YPEL2: variants seen among roughly 807,000 people sequenced by gnomAD.
YPEL2 encodes the protein protein yippee-like 2.
Under a neutral mutation model 19.1 loss-of-function variants are expected in YPEL2, and 2 were observed. The ratio of observed to expected loss-of-function variants is 0.10; its 90% CI spans 0.04 to 0.33. YPEL2 has a LOEUF of 0.33. Ranked by LOEUF, YPEL2 falls within the 10% of genes least tolerant of loss-of-function variation. The pLI is 1.00. For missense variants in YPEL2, 66 were observed against 140.7 expected (o/e 0.47, Z 2.68); for synonymous variants, 52 against 50.0 (o/e 1.04, Z -0.17).
intron 1 of YPEL2, among the ~76,000 whole-genome samples, chr17:59,338,042 A>G (rs1415568155): frequency 6.6e-6 from 1 of 152,228 alleles, no homozygotes; most frequent in Non-Finnish European, 1.5e-5. Context: ...GAGGTGCAGC[A>G]GTGCCACCTG....
Position 59,400,010 on chromosome 17 carries a change from A to G in YPEL2, c.*2820A>G, listed in dbSNP as rs1567768750. ...CTTCGTTTGGAACTGAAGTCCAGCC[A>G]GCAGACTCTCTAGCTCCATCTCCCC... On this transcript the variant is annotated 3_prime_UTR_variant, in exon 5 of 5. Coordinates refer to ENST00000312655, the MANE Select transcript of YPEL2 (RefSeq NM_001005404.4). The G allele has an allele frequency of 6.5e-6, 1 of 152,816 alleles. No individual in the cohort carries two copies. Among genetic ancestry groups the G allele is most frequent in the Non-Finnish European group, 1.5e-5 (1 of 68,204 alleles). 9.5% of individuals were successfully genotyped at this position (152,816 alleles called of 1,614,324 possible).
At chr17:59,381,960 G>A (rs1598048547) in intron 2 of YPEL2, among the ~76,000 whole-genome samples, 1 of 152,088 alleles carries the variant, frequency 6.6e-6, no homozygotes, top group Admixed American at 6.6e-5. Flanking sequence ...TCTCCAGGCC[G>A]TGCCAGGTTG....
chr17:59,394,641 A>G (rs2048028687), intron 4 of YPEL2, among the ~76,000 whole-genome samples: 1 of 150,560 alleles, frequency 6.6e-6, no homozygotes, highest in South Asian at 2.1e-4. Context: ...CACATCCCAG[A>G]CGATGGGCGG....
chr17:59,370,229 AT>A (rs1255198080), intron 2 of YPEL2, among the ~76,000 whole-genome samples: 14 of 150,714 alleles, frequency 9.3e-5, no homozygotes, highest in Middle Eastern at 3.4e-3. Context: ...TGCCCGGCTA[AT>A]TTTTTGTATT....
At chr17:59,381,832 A>G (rs928569011) in intron 2 of YPEL2, among the ~76,000 whole-genome samples, 2 of 152,230 alleles carry the variant, frequency 1.3e-5, no homozygotes, top group Non-Finnish European at 2.9e-5. Flanking sequence ...GGCAGTAATG[A>G]CAGCAAACAA....
intron 4 of YPEL2, among the ~76,000 whole-genome samples, chr17:59,394,219 G>T (rs889567288): frequency 3.9e-5 from 6 of 151,986 alleles, no homozygotes; most frequent in African/African-American, 1.4e-4. Context: ...CCCAGACAGG[G>T]TGGCTGCCGG....
intron 2 of YPEL2, among the ~76,000 whole-genome samples, chr17:59,376,150 A>G (rs11079377): frequency 0.65 from 98,901 of 151,662 alleles, 33,861 homozygotes; most frequent in African/African-American, 0.87. Flanking sequence ...TCATGACCCC[A>G]TCTTCATTCT....
rs1216392216 is a variant in YPEL2, at chr17:59,401,143, T to TTA, written c.*3953_*3954insTA. 8 of 152,044 alleles carry TTA rather than the reference T, an allele frequency of 5.3e-5. No individual in the cohort carries two copies. In the East Asian group the frequency reaches 1.5e-3, roughly 29 times the overall value. 9.4% of individuals were successfully genotyped at this position (152,044 alleles called of 1,614,324 possible). A position where few individuals can be genotyped will look rare whatever the true frequency, so the allele number is the denominator to read the frequency against. ...AAGAACATTAATATTATAATACACA[T>TTA]ATCTTAGTGGTAAACAGCTTTTTTT... is the stretch of plus-strand genomic sequence containing the variant. On this transcript the variant is annotated 3_prime_UTR_variant, in exon 5 of 5. Coordinates refer to ENST00000312655, the MANE Select transcript of YPEL2 (RefSeq NM_001005404.4).
rs1183436528 is a variant in YPEL2, at chr17:59,394,771, C to G, written c.271-2330C>G. 2.1e-3 allele frequency among the ~76,000 whole-genome samples: 315 copies of G among 152,314 alleles called. 4 individuals are homozygous for G. The highest frequency in any genetic ancestry group is 2.1e-4 in the South Asian group (1 of 4,828). On this transcript the variant is annotated intron_variant, in intron 4 of 4. Transcript: ENST00000312655. ...GGTGGAGGTTGTAGCGAGCCGAGAT[C>G]ACGCCACTGCACTTCAGCCTGGGCA...
At position 59,356,304 on chromosome 17, in the gene YPEL2, A is replaced by G. The variant is rs1233001916; in HGVS notation, c.117+2778A>G. ...TGAAAGCTTGACATTCGTTTGGTGCAAAAAAAAAAAAAAAAGTGAGTGCTT... is the reference window on the plus strand; with the variant it reads ...TGAAAGCTTGACATTCGTTTGGTGCGAAAAAAAAAAAAAAAGTGAGTGCTT... On this transcript the variant is annotated intron_variant, in intron 2 of 4. Transcript: ENST00000312655. The G allele has an allele frequency of 5.4e-4, 11 of 20,338 alleles. No individual in the cohort carries two copies. In the East Asian group the frequency reaches 0.015, roughly 27 times the overall value. 1.3% of individuals were successfully genotyped at this position (20,338 alleles called of 1,614,324 possible).
chr17:59,390,221 C>T (rs1358380101), intron 4 of YPEL2, among the ~76,000 whole-genome samples: 1 of 152,120 alleles, frequency 6.6e-6, no homozygotes, highest in Non-Finnish European at 1.5e-5. Flanking sequence ...GGGCTGGTCT[C>T]GAACTCCTGA....
Position 59,349,878 on chromosome 17 carries a change from C to T in YPEL2, c.-195-3337C>T, listed in dbSNP as rs537850508. ...GTTTCACCATATTGGCCAGGATGGTCTCAATCTCTTGACCTCGTGATCCGC... is the reference window on the plus strand; with the variant it reads ...GTTTCACCATATTGGCCAGGATGGTTTCAATCTCTTGACCTCGTGATCCGC... On this transcript the variant is annotated intron_variant, in intron 1 of 4. Transcript: ENST00000312655. Among the ~76,000 whole-genome samples the T allele has an allele frequency of 1.8e-3, 281 of 151,906 alleles. 3 individuals carry two copies. The highest frequency in any genetic ancestry group is 3.4e-4 in the Non-Finnish European group (23 of 67,940).
intron 2 of YPEL2, among the ~76,000 whole-genome samples, chr17:59,384,351 A>C (rs2047969809): frequency 6.6e-6 from 1 of 152,232 alleles, no homozygotes; most frequent in African/African-American, 2.4e-5. Flanking sequence ...TCTGTAGCAT[A>C]GGTTTCAGGT....
At chr17:59,358,920 C>CTT (rs1369335969) in intron 2 of YPEL2, among the ~76,000 whole-genome samples, 1 of 120,172 alleles carries the variant, frequency 8.3e-6, no homozygotes, top group South Asian at 2.6e-4. Flanking sequence ...TTTTTTTTTC[C>CTT]TTTTTCTTTT....
intron 2 of YPEL2, among the ~76,000 whole-genome samples, chr17:59,381,252 A>C (rs1281590918): frequency 6.6e-6 from 1 of 152,218 alleles, no homozygotes; most frequent in Non-Finnish European, 1.5e-5. Flanking sequence ...CCGTGCAGAT[A>C]TGCAAGGGAT....
intron 2 of YPEL2, among the ~76,000 whole-genome samples, chr17:59,382,701 TA>T (rs1007588542): frequency 3.3e-5 from 5 of 152,144 alleles, no homozygotes; most frequent in African/African-American, 7.2e-5. Context: ...TATACTCCTT[TA>T]AAAAAAATCT....
intron 2 of YPEL2, among the ~76,000 whole-genome samples, chr17:59,377,651 C>T (rs1446066457): frequency 1.3e-5 from 2 of 152,208 alleles, no homozygotes; most frequent in South Asian, 4.1e-4. Flanking sequence ...TAACCCCATG[C>T]CACAGACTGG....
chr17:59,335,898 A>G (rs1402236725), intron 1 of YPEL2, among the ~76,000 whole-genome samples: 1 of 152,142 alleles, frequency 6.6e-6, no homozygotes. Flanking sequence ...TCTCAGAGCT[A>G]CTTCCTGACG....
At chr17:59,367,758 G>A (rs1053639468) in intron 2 of YPEL2, among the ~76,000 whole-genome samples, 1 of 152,128 alleles carries the variant, frequency 6.6e-6, no homozygotes, top group Non-Finnish European at 1.5e-5. Context: ...TATTCCATAG[G>A]CCAGACTTCA....
Sources: allele counts gnomAD v4.1 joint callset (sites outside exome capture counted in the v4.1 genomes callset), GRCh38; gene constraint gnomAD v4.1.1; transcripts MANE v1.5; gene names NCBI Gene and HGNC (gene_info 2026-07-23, HGNC 2026-07-21).